The following ABCC11 variants were observed in gnomAD, a reference collection of about 807,000 sequenced individuals.
ABCC11 encodes the protein ATP-binding cassette sub-family C member 11.
In ABCC11, 135 loss-of-function variants were observed where a neutral mutation model predicts 149.3. The observed-to-expected ratio is 0.90, with a 90% CI of 0.79 to 1.04. The LOEUF (loss-of-function observed/expected upper bound fraction) is 1.04. Ranked by LOEUF, ABCC11 falls within the 50% of genes least tolerant of loss-of-function variation. The pLI is 0.00. For missense variants in ABCC11, 1,680 were observed against 1,722.1 expected, an observed-to-expected ratio of 0.98 and a Z score of 0.43; for synonymous variants, 665 against 671.4, an observed-to-expected ratio of 0.99 and a Z score of 0.15.
intron 18 of ABCC11, among the ~76,000 whole-genome samples, chr16:48,195,467 C>T (rs1967316447): frequency 6.6e-6 from 1 of 152,192 alleles, no homozygotes; most frequent in Non-Finnish European, 1.5e-5. Context: ...GGCATGCAGA[C>T]AGGAGACATC....
At chr16:48,205,093 G>A (rs1968315205) in intron 13 of ABCC11, among the ~76,000 whole-genome samples, 1 of 152,204 alleles carries the variant, frequency 6.6e-6, no homozygotes, top group Admixed American at 6.5e-5. Context: ...TGGAGGGGGA[G>A]AGTGTATTGA....
chr16:48,177,200 G>A, intron 24 of ABCC11, 87 bp from the exon 25 acceptor site: 1 of 1,379,188 alleles, frequency 7.3e-7, no homozygotes, highest in South Asian at 1.4e-5. Flanking sequence ...CCGCTGTAGG[G>A]GGTGTGACCC....
At chr16:48,195,625 A>G (rs532447497) in intron 18 of ABCC11, among the ~76,000 whole-genome samples, 57 of 152,372 alleles carry the variant, frequency 3.7e-4, no homozygotes, top group Non-Finnish European at 7.6e-4. Context: ...AATATACATG[A>G]TGATATATAC....
chr16:48,193,809 A>C, intron 19 of ABCC11, 70 bp downstream of exon 19: 1 of 1,296,700 alleles, frequency 7.7e-7, no homozygotes, highest in African/African-American at 1.5e-5. Flanking sequence ...TTGTGGTCTC[A>C]AGGAGCAAGA....
At chr16:48,241,156 G>A (rs921364261) in intron 1 of ABCC11, among the ~76,000 whole-genome samples, 4 of 152,090 alleles carry the variant, frequency 2.6e-5, no homozygotes, top group East Asian at 1.9e-4. Context: ...GTCTGGTCTC[G>A]AACTCCTGAC....
intron 11 of ABCC11, 53 bp from the exon 12 acceptor site, chr16:48,208,549 C>A (rs1299517593): frequency 6.3e-7 from 1 of 1,595,036 alleles, no homozygotes; most frequent in Non-Finnish European, 8.6e-7. Flanking sequence ...CCTGGCATAC[C>A]CACCTGCCCA....
intron 23 of ABCC11, among the ~76,000 whole-genome samples, chr16:48,180,556 G>T (rs1966364580): frequency 6.6e-6 from 1 of 152,208 alleles, no homozygotes; most frequent in African/African-American, 2.4e-5. Flanking sequence ...GCAGCCAGAT[G>T]CATCTCTGGC....
At chr16:48,229,550 C>T (rs1970295902) in intron 3 of ABCC11, among the ~76,000 whole-genome samples, 3 of 145,810 alleles carry the variant, frequency 2.1e-5, no homozygotes, top group South Asian at 2.1e-4. Context: ...CTGCAAGCTC[C>T]GCTTCCCGGG....
rs1968365084 is a variant in ABCC11 at position 48,205,550 on chromosome 16, G to A, written c.1681-13C>T. ...CGAGCAAGTGCATCTGCGGCAGAAT[G>A]AGTCCAGCCTCAGGACCAATTGGGC... On this transcript the variant is annotated splice_polypyrimidine_tract_variant and intron_variant, in intron 12 of 29. Coordinates refer to ENST00000356608, the MANE Select transcript of ABCC11 (RefSeq NM_001370497.1). 1 of 1,613,054 alleles carries A rather than the reference G, an allele frequency of 6.2e-7. No individual in the cohort carries two copies.
At chr16:48,246,666 C>T (rs1456249705) in intron 1 of ABCC11, among the ~76,000 whole-genome samples, 1 of 152,174 alleles carries the variant, frequency 6.6e-6, no homozygotes, top group Non-Finnish European at 1.5e-5. Context: ...GATTGAACTC[C>T]TGGGCTCAAG....
intron 28 of ABCC11, 44 bp from the exon 29 acceptor site, chr16:48,167,704 T>C (rs768630981): frequency 5.0e-6 from 8 of 1,606,356 alleles, no homozygotes; most frequent in Non-Finnish European, 6.0e-6. Context: ...CTTCAGGCCC[T>C]AGAGACCTGG....
intron 10 of ABCC11, among the ~76,000 whole-genome samples, chr16:48,213,186 AT>A (rs1969066626): frequency 6.6e-6 from 1 of 152,268 alleles, no homozygotes; most frequent in Non-Finnish European, 1.5e-5. Context: ...GCAAACCTGG[AT>A]AAAGTCTGCA....
At chr16:48,193,673 C>T (rs1390317598) in intron 19 of ABCC11, among the ~76,000 whole-genome samples, 2 of 151,942 alleles carry the variant, frequency 1.3e-5, no homozygotes, top group Admixed American at 6.6e-5. Flanking sequence ...ACTGCACAGG[C>T]GACCACCCAT....
chr16:48,227,711 TG>T (rs1172715935), intron 4 of ABCC11, 94 bp downstream of exon 4: 1 of 1,545,182 alleles, frequency 6.5e-7, no homozygotes, highest in Non-Finnish European at 8.9e-7. Flanking sequence ...TCGTCTGGCA[TG>T]GCCCCTCCCT....
chr16:48,229,759 C>G (rs570620894), intron 3 of ABCC11, among the ~76,000 whole-genome samples: 5 of 152,134 alleles, frequency 3.3e-5, no homozygotes, highest in Non-Finnish European at 7.4e-5. Context: ...CCACCGCGCC[C>G]GGCCGGCTGG....
chr16:48,183,414 G>GA (rs1966564518), intron 23 of ABCC11, among the ~76,000 whole-genome samples: 1 of 152,208 alleles, frequency 6.6e-6, no homozygotes, highest in Non-Finnish European at 1.5e-5. Flanking sequence ...GAGGGATTCC[G>GA]GCCTTGAGGT....
At chr16:48,244,328 G>C in intron 1 of ABCC11, 1 of 1,287,054 alleles carries the variant, frequency 7.8e-7, no homozygotes, top group Non-Finnish European at 1.0e-6. Flanking sequence ...CTGCGGGGCA[G>C]GCCGGGGGCA....
In ABCC11 at chr16:48,200,357, G is replaced by T; in HGVS notation, c.2001C>A (p.His667Gln). 1.2e-6 allele frequency: 2 copies of T among 1,614,252 alleles called. No homozygotes were observed. Among genetic ancestry groups the T allele is most frequent in the Non-Finnish European group, 1.7e-6 (2 of 1,180,044 alleles). The change falls in exon 15 of 30, where the codon CAC (histidine) becomes CAA (glutamine). Residue 667 changes from histidine (H) to glutamine (Q), a missense_variant. Physicochemically the swap from His to Gln is conservative, Grantham distance 24 (BLOSUM62 0). Transcript: ENST00000356608. ...LDDPLSAVDAHVGKHIFEECI... is the reference protein window; with the variant it reads ...LDDPLSAVDAQVGKHIFEECI... ...ACTCCTCAAAAATGTGCTTCCCCACGTGGGCGTCCACAGCAGACAGGGGGT... is the reference window on the plus strand; with the variant it reads ...ACTCCTCAAAAATGTGCTTCCCCACTTGGGCGTCCACAGCAGACAGGGGGT...
chr16:48,230,393 C>T lies in ABCC11; in HGVS notation c.236+44G>A, dbSNP rs749522631. 4 of 1,507,776 alleles carry T rather than the reference C, an allele frequency of 2.7e-6. No individual in the cohort carries two copies. The South Asian group carries it at 4.0e-5, about 15-fold the overall frequency. 93.4% of individuals were successfully genotyped at this position (1,507,776 alleles called of 1,614,324 possible). A position where few individuals can be genotyped will look rare whatever the true frequency, so the allele number is the denominator to read the frequency against. On this transcript the variant is annotated intron_variant, in intron 3 of 29. Transcript: ENST00000356608. ...AGTTGGGAGGGTTGGGGATCATTGC[C>T]CTGGTGGATACAGCTCTCTCCCACC...
Sources: allele counts gnomAD v4.1 joint callset (sites outside exome capture counted in the v4.1 genomes callset), GRCh38; gene constraint gnomAD v4.1.1; transcripts MANE v1.5; gene names NCBI Gene and HGNC (gene_info 2026-07-23, HGNC 2026-07-21).